PDE4D: variants seen among roughly 807,000 people sequenced by gnomAD.
PDE4D encodes the protein 3',5'-cyclic-AMP phosphodiesterase 4D.
PDE4D carries 24 observed loss-of-function variants against 87.4 expected under a neutral mutation model. The observed-to-expected ratio is 0.27, with a 90% CI of 0.20 to 0.39. PDE4D has a LOEUF of 0.39. Ranked by LOEUF, PDE4D falls within the 10% of genes least tolerant of loss-of-function variation. The probability of loss-of-function intolerance (pLI) is 1.00; values close to 1 mark genes in which losing one functional copy is unlikely to be tolerated. For synonymous variants in PDE4D, 384 were observed against 383.2 expected (o/e 1.00, Z -0.02); for missense variants, 714 against 1,041.0 (o/e 0.69, Z 4.32).
intron 1 of PDE4D, among the ~76,000 whole-genome samples, chr5:60,437,391 C>A (rs894434815): frequency 6.6e-6 from 1 of 152,104 alleles, no homozygotes; most frequent in African/African-American, 2.4e-5. Context: ...ATATAATGTA[C>A]TGAGCAAAGT....
chr5:60,248,497 T>G (rs1036878863), intron 1 of PDE4D, among the ~76,000 whole-genome samples: 1 of 152,014 alleles, frequency 6.6e-6, no homozygotes, highest in Non-Finnish European at 1.5e-5. Context: ...TTTTCAAGGA[T>G]GTGGAGGCCA....
At chr5:60,103,686 C>G (rs1406932252) in intron 2 of PDE4D, among the ~76,000 whole-genome samples, 1 of 152,112 alleles carries the variant, frequency 6.6e-6, no homozygotes, top group East Asian at 1.9e-4. Context: ...TACTTAAGAG[C>G]AAGCTTTAAT....
chr5:59,148,781 G>GTGTT (rs1779052987), intron 5 of PDE4D, among the ~76,000 whole-genome samples: 1 of 151,734 alleles, frequency 6.6e-6, no homozygotes, highest in Admixed American at 6.6e-5. Context: ...GTGTGTGTGT[G>GTGTT]TGTGTGTGTG....
At chr5:60,367,274 C>A (rs1272592656) in intron 1 of PDE4D, among the ~76,000 whole-genome samples, 1 of 151,714 alleles carries the variant, frequency 6.6e-6, no homozygotes, top group Non-Finnish European at 1.5e-5. Flanking sequence ...CATGTAGAAA[C>A]CCCATCTCTA....
intron 2 of PDE4D, among the ~76,000 whole-genome samples, chr5:60,143,604 TG>T (rs1780735762): frequency 8.3e-4 from 11 of 13,186 alleles, no homozygotes; most frequent in South Asian, 3.1e-3. Context: ...GCTTGGGAAT[TG>T]TGTGTGTGTG....
intron 1 of PDE4D, among the ~76,000 whole-genome samples, chr5:60,473,124 A>AAAGG (rs562842272): frequency 0.092 from 7,428 of 80,904 alleles, 458 homozygotes; most frequent in Middle Eastern, 0.13. Flanking sequence ...AGAGAGAAAG[A>AAAGG]AAGGAAGGAA....
chr5:60,443,683 ACT>A, intron 1 of PDE4D, among the ~76,000 whole-genome samples: 1 of 152,314 alleles, frequency 6.6e-6, no homozygotes, highest in Admixed American at 6.5e-5. Flanking sequence ...AATAATAAGA[ACT>A]AGCTAAAATT....
At chr5:58,982,190 G>A (rs1561227820) in intron 11 of PDE4D, among the ~76,000 whole-genome samples, 1 of 152,126 alleles carries the variant, frequency 6.6e-6, no homozygotes, top group South Asian at 2.1e-4. Context: ...TCTATCCAAT[G>A]ATTCCTGGAC....
In PDE4D at chr5:60,144,421, C is replaced by T. The variant is rs188575098; in HGVS notation, c.42+41136G>A. 2.0e-4 allele frequency among the ~76,000 whole-genome samples: 30 copies of T among 152,314 alleles called. No homozygotes were observed. In the East Asian group the frequency reaches 2.1e-3, roughly 11 times the overall value. On this transcript the variant is annotated intron_variant, in intron 2 of 16. Transcript: ENST00000502484. ...ATCATCGATAAAGAGAAAACTGCTACGCTTTCTGTAGCAGGCAGGACTGTG... is the reference window on the plus strand; with the variant it reads ...ATCATCGATAAAGAGAAAACTGCTATGCTTTCTGTAGCAGGCAGGACTGTG...
intron 1 of PDE4D, among the ~76,000 whole-genome samples, chr5:60,384,163 T>A (rs1762049323): frequency 6.6e-6 from 1 of 152,142 alleles, no homozygotes; most frequent in Non-Finnish European, 1.5e-5. Flanking sequence ...AAACAGCAAC[T>A]AGCTTAAAAG....
chr5:60,443,603 G>A (rs1055644950), intron 1 of PDE4D, among the ~76,000 whole-genome samples: 1 of 152,114 alleles, frequency 6.6e-6, no homozygotes, highest in African/African-American at 2.4e-5. Context: ...AGGTTCATTT[G>A]CCCAGAGTAA....
At chr5:59,404,007 G>A (rs559306877) in intron 1 of PDE4D, among the ~76,000 whole-genome samples, 2 of 152,214 alleles carry the variant, frequency 1.3e-5, no homozygotes, top group Non-Finnish European at 2.9e-5. Context: ...TAACTGGGGT[G>A]AGATAATATT....
chr5:59,924,033 G>T (rs1754974464), intron 3 of PDE4D, among the ~76,000 whole-genome samples: 1 of 152,202 alleles, frequency 6.6e-6, no homozygotes, highest in Non-Finnish European at 1.5e-5. Context: ...TTAACAAATA[G>T]ATTGAAATAA....
At chr5:59,880,163 C>T (rs1397755002) in intron 1 of PDE4D, among the ~76,000 whole-genome samples, 1 of 152,058 alleles carries the variant, frequency 6.6e-6, no homozygotes, top group Non-Finnish European at 1.5e-5. Flanking sequence ...TTGCGCAGCA[C>T]AGCAGGAGCA....
chr5:59,233,269 A>G (rs976277756), intron 1 of PDE4D, among the ~76,000 whole-genome samples: 4 of 152,212 alleles, frequency 2.6e-5, no homozygotes, highest in African/African-American at 7.2e-5. Context: ...ATGTAACAAA[A>G]TATCCCATTA....
chr5:59,225,169 T>C (rs892981118), intron 1 of PDE4D, among the ~76,000 whole-genome samples: 2 of 152,192 alleles, frequency 1.3e-5, no homozygotes, highest in African/African-American at 4.8e-5. Context: ...CTTGAGTGGA[T>C]TTTTTGTGTA....
At chr5:59,820,228 A>G (rs1354561766) in intron 1 of PDE4D, among the ~76,000 whole-genome samples, 1 of 152,168 alleles carries the variant, frequency 6.6e-6, no homozygotes, top group African/African-American at 2.4e-5. Flanking sequence ...TTCTTCACAC[A>G]CATCCTCCAT....
chr5:59,070,273 T>C (rs932679607), intron 5 of PDE4D, among the ~76,000 whole-genome samples: 3 of 152,176 alleles, frequency 2.0e-5, no homozygotes, highest in Non-Finnish European at 2.9e-5. Context: ...AGCAAAGTTA[T>C]AGATGCAAAT....
At chr5:58,999,794 C>A in intron 6 of PDE4D, 8 of 1,008,280 alleles carry the variant, frequency 7.9e-6, no homozygotes, top group Non-Finnish European at 9.5e-6. Flanking sequence ...TAAAGAAAAT[C>A]CACGTGATAA....
Sources: allele counts gnomAD v4.1 joint callset (sites outside exome capture counted in the v4.1 genomes callset), GRCh38; gene constraint gnomAD v4.1.1; transcripts MANE v1.5; gene names NCBI Gene and HGNC (gene_info 2026-07-23, HGNC 2026-07-21).